Variants in CC2D2A observed in about 807,000 individuals in gnomAD.
The protein encoded by CC2D2A is coiled-coil and C2 domain containing 2A.
Under a neutral mutation model 212.9 loss-of-function variants are expected in CC2D2A, and 155 were observed. That is an observed-to-expected ratio of 0.73 (90% confidence interval 0.64 to 0.83). The LOEUF (loss-of-function observed/expected upper bound fraction) is 0.83. CC2D2A is among the 40% of genes least tolerant of loss of function. The pLI is 0.00. For synonymous variants in CC2D2A, 667 were observed against 686.5 expected (o/e 0.97, Z 0.44); for missense variants, 1,856 against 1,956.2 (o/e 0.95, Z 0.97).
intron 21 of CC2D2A, 93 bp from the exon 22 acceptor site, chr4:15,559,072 G>C: frequency 1.2e-6 from 1 of 816,482 alleles, no homozygotes; most frequent in Non-Finnish European, 2.0e-6. Context: ...AAAACCACAA[G>C]TTATAACTTA....
intron 30 of CC2D2A, among the ~76,000 whole-genome samples, chr4:15,585,139 C>T (rs1289410537): frequency 6.6e-6 from 1 of 152,120 alleles, no homozygotes; most frequent in East Asian, 1.9e-4. Flanking sequence ...AATCCCATTA[C>T]TAGGTATATA....
At chr4:15,499,878 T>C (rs1715823836) in intron 4 of CC2D2A, among the ~76,000 whole-genome samples, 1 of 152,006 alleles carries the variant, frequency 6.6e-6, no homozygotes, top group East Asian at 1.9e-4. Context: ...ACATGCTTAG[T>C]GATACTTAAC....
intron 24 of CC2D2A, chr4:15,563,789 A>T: frequency 2.6e-6 from 1 of 384,154 alleles, no homozygotes; most frequent in African/African-American, 2.0e-5. Context: ...GGGATAAGAT[A>T]GTTCTCCTGA....
At chr4:15,523,514 T>C (rs978703035) in intron 11 of CC2D2A, among the ~76,000 whole-genome samples, 2 of 152,226 alleles carry the variant, frequency 1.3e-5, no homozygotes, top group Non-Finnish European at 1.5e-5. Flanking sequence ...AAAGCATTGT[T>C]AATCTGCTGC....
intron 33 of CC2D2A, among the ~76,000 whole-genome samples, chr4:15,590,476 C>T (rs915083934): frequency 2.6e-5 from 4 of 152,178 alleles, no homozygotes; most frequent in Admixed American, 2.6e-4. Context: ...GATGGAGCCA[C>T]TGCATTCCAT....
Position 15,533,338 on chromosome 4 carries a change from G to A in CC2D2A, c.1607+5G>A. On this transcript the variant is annotated splice_donor_5th_base_variant and intron_variant, in intron 14 of 36. Coordinates refer to ENST00000424120, the MANE Select transcript of CC2D2A (RefSeq NM_001378615.1). ...CTTGAAACTTGTTTTGAGAAAGTAG[G>A]CTTTTTTGAAAAATTATTTTATTGG... 6.6e-7 allele frequency: 1 copy of A among 1,525,734 alleles called. No individual in the cohort carries two copies. The highest frequency in any genetic ancestry group is 8.8e-7 in the Non-Finnish European group (1 of 1,138,178). The allele number at this position is 1,525,734 out of a possible 1,614,324, so 94.5% of individuals were successfully genotyped here. A position where few individuals can be genotyped will look rare whatever the true frequency, so the allele number is the denominator to read the frequency against.
At chr4:15,553,337 A>G (rs1198926948) in intron 19 of CC2D2A, 32 bp downstream of exon 19, 8 of 1,606,320 alleles carry the variant, frequency 5.0e-6, no homozygotes, top group Non-Finnish European at 6.8e-6. Context: ...TTGATGAGCA[A>G]TGTCAGTGTT....
intron 6 of CC2D2A, among the ~76,000 whole-genome samples, chr4:15,509,770 T>TAC (rs1162938446): frequency 1.3e-5 from 2 of 152,198 alleles, no homozygotes; most frequent in African/African-American, 2.4e-5. Context: ...TGAAGGTACC[T>TAC]ACACAAACCT....
intron 21 of CC2D2A, among the ~76,000 whole-genome samples, chr4:15,558,375 A>T (rs185880984): frequency 2.6e-5 from 4 of 152,276 alleles, no homozygotes; most frequent in Admixed American, 6.5e-5. Context: ...CACCAAGGGG[A>T]GTTTACTGGA....
At position 15,510,119 on chromosome 4, in the gene CC2D2A, A is replaced by G; in HGVS notation, c.439-20A>G. The stretch of plus-strand genomic sequence containing the variant: ...TCTTGGGTTAAATGGTTTATCTATC[A>G]TTTTTTTCCACTCATATAGCCAGGG... On this transcript the variant is annotated intron_variant, in intron 6 of 36. Coordinates refer to ENST00000424120, the MANE Select transcript of CC2D2A (RefSeq NM_001378615.1). 6.3e-7 allele frequency: 1 copy of G among 1,577,790 alleles called. No homozygotes were observed. The highest frequency in any genetic ancestry group is 1.1e-5 in the South Asian group (1 of 89,346).
chr4:15,485,173 C>T (rs551948990), intron 4 of CC2D2A, among the ~76,000 whole-genome samples: 2 of 152,348 alleles, frequency 1.3e-5, no homozygotes, highest in Non-Finnish European at 2.9e-5. Context: ...TCATTCTACT[C>T]ACTATCTCTA....
chr4:15,513,038 T>C (rs184518372), intron 8 of CC2D2A, among the ~76,000 whole-genome samples: 45 of 152,292 alleles, frequency 3.0e-4, no homozygotes, highest in African/African-American at 1.1e-3. Flanking sequence ...TAGGATATTC[T>C]AGTATTCACA....
chr4:15,500,103 G>GTATATATATATATATA (rs1417025229), intron 4 of CC2D2A, among the ~76,000 whole-genome samples: 2 of 73,160 alleles, frequency 2.7e-5, no homozygotes, highest in South Asian at 5.2e-4. Flanking sequence ...GTGTGTGTGT[G>GTATATATATATATATA]TGTGTATATA....
intron 20 of CC2D2A, 144 bp downstream of exon 20, chr4:15,555,354 C>T: frequency 9.6e-7 from 1 of 1,042,804 alleles, no homozygotes; most frequent in Non-Finnish European, 1.4e-6. Flanking sequence ...GTGCTTCTTG[C>T]CTGGCTATGG....
chr4:15,544,066 G>A (rs1248598262), intron 17 of CC2D2A: 1 of 152,198 alleles, frequency 6.6e-6, no homozygotes, highest in Non-Finnish European at 1.5e-5. Flanking sequence ...AGGGAGAGTT[G>A]AATTCTGAAG....
rs373439220 is a variant in CC2D2A, at chr4:15,504,871, G to A, written c.438+1948G>A. On this transcript the variant is annotated intron_variant, in intron 6 of 36. Coordinates refer to ENST00000424120, the MANE Select transcript of CC2D2A (RefSeq NM_001378615.1). The stretch of plus-strand genomic sequence containing the variant: ...ATCCAGAAGGAATATCTAAAAAATC[G>A]TTCAATATACTGTTCATCAAAAAAT... Among the ~76,000 whole-genome samples the A allele has an allele frequency of 2.9e-4, 44 of 152,194 alleles. No homozygotes were observed. The South Asian group carries it at 5.8e-3, about 20-fold the overall frequency.
intron 4 of CC2D2A, 78 bp from the exon 5 acceptor site, chr4:15,502,351 T>C (rs1175964121): frequency 3.5e-6 from 4 of 1,150,642 alleles, no homozygotes; most frequent in Non-Finnish European, 4.9e-6. Flanking sequence ...GGGGAGGGAA[T>C]TGTTTTAAAG....
At chr4:15,559,593 T>C (rs1719462247) in intron 22 of CC2D2A, among the ~76,000 whole-genome samples, 1 of 152,158 alleles carries the variant, frequency 6.6e-6, no homozygotes, top group Non-Finnish European at 1.5e-5. Flanking sequence ...AAACAAAAGT[T>C]TTTAAACCAT....
intron 1 of CC2D2A, among the ~76,000 whole-genome samples, chr4:15,475,278 G>GA (rs758962813): frequency 6.6e-6 from 1 of 152,128 alleles, no homozygotes; most frequent in Non-Finnish European, 1.5e-5. Context: ...CGTCTCAAAA[G>GA]AAAAAGTGTA....
Sources: allele counts gnomAD v4.1 joint callset (sites outside exome capture counted in the v4.1 genomes callset), GRCh38; gene constraint gnomAD v4.1.1; transcripts MANE v1.5; gene names NCBI Gene and HGNC (gene_info 2026-07-23, HGNC 2026-07-21).